Variants in MKX observed in about 807,000 individuals in gnomAD.
MKX encodes mohawk homeobox, also known as homeobox protein Mohawk.
In MKX, 13 loss-of-function variants were observed where a neutral mutation model predicts 36.0. The ratio of observed to expected loss-of-function variants is 0.36; its 90% confidence interval spans 0.24 to 0.57. MKX has a LOEUF of 0.57. MKX is among the 20% of genes least tolerant of loss of function. The probability of loss-of-function intolerance (pLI) is 0.79; values close to 1 mark genes in which losing one functional copy is unlikely to be tolerated. For missense variants in MKX, 458 were observed against 456.4 expected (o/e 1.00, Z -0.03); for synonymous variants, 176 against 178.3 (o/e 0.99, Z 0.10).
chr10:27,693,912 G>C (rs1836499174), intron 5 of MKX, among the ~76,000 whole-genome samples: 1 of 152,118 alleles, frequency 6.6e-6, no homozygotes, highest in African/African-American at 2.4e-5. Flanking sequence ...GGAGGTAATT[G>C]AATCATGGGG....
At chr10:27,690,796 A>G (rs1836440648) in intron 5 of MKX, among the ~76,000 whole-genome samples, 1 of 152,020 alleles carries the variant, frequency 6.6e-6, no homozygotes, top group African/African-American at 2.4e-5. Flanking sequence ...CTCCTGTCAT[A>G]CCTTAGGCCT....
intron 5 of MKX, among the ~76,000 whole-genome samples, chr10:27,695,587 G>A (rs960236802): frequency 6.6e-6 from 1 of 152,146 alleles, no homozygotes; most frequent in Admixed American, 6.5e-5. Flanking sequence ...ATTTGGACAG[G>A]AAGATGCACA....
intron 3 of MKX, among the ~76,000 whole-genome samples, chr10:27,739,604 T>C (rs893560104): frequency 2.0e-5 from 3 of 152,164 alleles, no homozygotes; most frequent in African/African-American, 7.2e-5. Flanking sequence ...TATAACTACT[T>C]GTATTGCAGC....
chr10:27,676,926 G>A (rs1013965702), intron 5 of MKX, among the ~76,000 whole-genome samples: 1 of 152,082 alleles, frequency 6.6e-6, no homozygotes, highest in Non-Finnish European at 1.5e-5. Flanking sequence ...CTCAGAACAC[G>A]AATGTCTCCC....
At chr10:27,679,210 T>A (rs962676487) in intron 5 of MKX, among the ~76,000 whole-genome samples, 7 of 152,260 alleles carry the variant, frequency 4.6e-5, no homozygotes, top group Admixed American at 2.0e-4. Flanking sequence ...ACATGGCACA[T>A]GTATACCTAT....
intron 5 of MKX, chr10:27,718,440 G>A: frequency 4.7e-6 from 1 of 213,222 alleles, no homozygotes; most frequent in South Asian, 6.8e-5. Context: ...AAGTACAAAA[G>A]GGTAAAAAAG....
At chr10:27,686,774 G>C (rs957853182) in intron 5 of MKX, among the ~76,000 whole-genome samples, 1 of 152,128 alleles carries the variant, frequency 6.6e-6, no homozygotes, top group African/African-American at 2.4e-5. Flanking sequence ...ACCGTGCCCA[G>C]CCAACTCTTT....
intron 5 of MKX, among the ~76,000 whole-genome samples, chr10:27,711,457 TTCTTTCTTTCTTTCTTTCTTTCTTTC>T (rs1564356859): frequency 3.1e-4 from 3 of 9,648 alleles, no homozygotes; most frequent in Non-Finnish European, 8.1e-4. Context: ...CTTTCTTTCT[TTCTTTCTTTCTTTCTTTCTTTCTTTC>T]TCTCTCTCTC....
chr10:27,685,609 T>C (rs367596946), intron 5 of MKX, among the ~76,000 whole-genome samples: 13 of 151,820 alleles, frequency 8.6e-5, no homozygotes, highest in Admixed American at 2.6e-4. Context: ...CCACCACGCC[T>C]GGCTAATTTT....
intron 5 of MKX, among the ~76,000 whole-genome samples, chr10:27,729,198 T>C (rs1420244401): frequency 6.6e-6 from 1 of 151,932 alleles, no homozygotes; most frequent in Non-Finnish European, 1.5e-5. Context: ...AAATGAAGTT[T>C]AAACATTCAA....
chr10:27,675,521 C>T lies in MKX; in HGVS notation c.872G>A (p.Ser291Asn). 1 of 1,614,126 alleles carries T rather than the reference C, an allele frequency of 6.2e-7. No individual in the cohort carries two copies. The highest frequency in any genetic ancestry group is 8.5e-7 in the Non-Finnish European group (1 of 1,179,992). Residue 291 changes from serine to asparagine, a missense_variant and splice_region_variant, in exon 6 of 7, where the codon AGC becomes AAC. Physicochemically the swap from Ser to Asn is conservative, Grantham distance 46. Around this residue, in one of 3 missense-constraint regions of MKX, gnomAD observed 297 missense variants for 304.4 expected, o/e 0.98. Coordinates refer to ENST00000419761, the MANE Select transcript of MKX (RefSeq NM_173576.3). ...TLENGSNKGESAANRKGPSKD... is the reference protein window; with the variant it reads ...TLENGSNKGENAANRKGPSKD... The stretch of plus-strand genomic sequence containing the variant: ...CGGCCAATGGGAACATTTTGCTCAC[C>T]TTTCACCCTTATTGGATCCGTTTTC...
intron 5 of MKX, among the ~76,000 whole-genome samples, chr10:27,704,050 C>T (rs1836708624): frequency 6.6e-6 from 1 of 152,102 alleles, no homozygotes; most frequent in Non-Finnish European, 1.5e-5. Context: ...GTATGGCTTT[C>T]TTATATAAAA....
chr10:27,738,641 A>G (rs543822261), intron 3 of MKX, among the ~76,000 whole-genome samples: 1 of 152,222 alleles, frequency 6.6e-6, no homozygotes, highest in African/African-American at 2.4e-5. Flanking sequence ...TCTATCTCCC[A>G]TATTTTATAG....
chr10:27,691,888 T>A (rs1423494998), intron 5 of MKX, among the ~76,000 whole-genome samples: 1 of 152,240 alleles, frequency 6.6e-6, no homozygotes, highest in Non-Finnish European at 1.5e-5. Context: ...ATAACTTAAT[T>A]CTTTTTTATG....
chr10:27,735,277 T>C lies in MKX; in HGVS notation c.446A>G (p.Tyr149Cys). Residue 149 changes from tyrosine to cysteine, a missense_variant, in exon 4 of 7, where the codon TAT becomes TGT. Tyr to Cys is a radical substitution (Grantham distance 194). Around this residue, in one of 3 missense-constraint regions of MKX, gnomAD observed 297 missense variants for 304.4 expected, o/e 0.98. Coordinates refer to ENST00000419761, the MANE Select transcript of MKX (RefSeq NM_173576.3). ...AAGCCGTTCAGCATTGCCTTGAACA[T>C]ACTTGTTGTATAACTTTATTCTCAA... ...WALRIKLYNKYVQGNAERLSV... is the reference protein window; with the variant it reads ...WALRIKLYNKCVQGNAERLSV... 6.2e-7 allele frequency: 1 copy of C among 1,613,856 alleles called. No homozygotes were observed. The highest frequency in any genetic ancestry group is 1.1e-5 in the South Asian group (1 of 91,008).
chr10:27,741,299 G>C lies in MKX; in HGVS notation c.348+46C>G. 6.2e-7 allele frequency: 1 copy of C among 1,605,038 alleles called. No homozygotes were observed. Among genetic ancestry groups the C allele is most frequent in the Non-Finnish European group, 8.5e-7 (1 of 1,176,116 alleles). On this transcript the variant is annotated intron_variant, in intron 3 of 6. Coordinates refer to ENST00000419761, the MANE Select transcript of MKX (RefSeq NM_173576.3). The surrounding 1 kb of genome is among the most constrained non-coding windows in gnomAD (Gnocchi z 5.1). ...GAACTCTAAGCGTTCCCGCTCTTCA[G>C]CCCCTCGCGGGAAAACGGATCAGGG...
rs1423656008 is a variant in MKX, at chr10:27,708,269, C to T, written c.838+26187G>A. ...AGTATCTCACCCCTTGTAAAAAGTA[C>T]TTTACTTCTCACTTCACACTTTTTT... On this transcript the variant is annotated intron_variant, in intron 5 of 6. Transcript: ENST00000419761. Among the ~76,000 whole-genome samples, 3 of 152,126 alleles carry T rather than the reference C, an allele frequency of 2.0e-5. No individual in the cohort carries two copies. The East Asian group carries it at 5.8e-4, about 29-fold the overall frequency.
intron 5 of MKX, among the ~76,000 whole-genome samples, chr10:27,733,188 A>G (rs554218593): frequency 6.6e-6 from 1 of 152,296 alleles, no homozygotes; most frequent in African/African-American, 2.4e-5. Context: ...AGAGAAAATG[A>G]GGTTGATTTA....
intron 5 of MKX, among the ~76,000 whole-genome samples, chr10:27,696,437 AG>A (rs1390303044): frequency 6.6e-6 from 1 of 152,218 alleles, no homozygotes; most frequent in Non-Finnish European, 1.5e-5. Context: ...GAAATGGATC[AG>A]AAAACAAGTA....
Sources: gnomAD v4.1 joint callset for allele counts (sites outside exome capture counted in the v4.1 genomes callset) on GRCh38, gnomAD v4.1.1 for gene constraint, gnomAD v4.1.1 regional missense constraint, Gnocchi (gnomAD v3.1) non-coding constraint, MANE v1.5 for transcripts, NCBI Gene and HGNC (gene_info 2026-07-23, HGNC 2026-07-21) for gene names.